The following TEX11 variants were observed in gnomAD, a reference collection of about 807,000 sequenced individuals.
TEX11 encodes testis-expressed protein 11.
A neutral mutation model predicts 84.4 loss-of-function variants in TEX11; 7 were observed. That is an observed-to-expected ratio of 0.08 (90% confidence interval 0.05 to 0.16). The LOEUF (loss-of-function observed/expected upper bound fraction) is 0.16, where lower values mean the gene tolerates loss of function less well. TEX11 is among the 10% of genes least tolerant of loss of function. The pLI, the probability that TEX11 is intolerant of heterozygous loss-of-function variation, is 1.00. For synonymous variants in TEX11, 264 were observed against 222.8 expected, an observed-to-expected ratio of 1.18 and a Z score of -1.64; for missense variants, 551 against 660.5, an observed-to-expected ratio of 0.83 and a Z score of 1.82.
intron 16 of TEX11, among the ~76,000 whole-genome samples, chrX:70,656,298 C>T (rs2089865707): frequency 9.2e-6 from 1 of 109,146 alleles, no homozygotes; most frequent in African/African-American, 3.3e-5. Flanking sequence ...CATGGTGGTG[C>T]ATGCCTGTGG....
rs191466955 is a variant in TEX11, at chrX:70,827,666, G to A, written c.606+5847C>T. ...GACTCCTCTGCCTGTGGAAAGGGAG[G>A]GAAGAGTGGGAAGGGCTTTGTATTG... On this transcript the variant is annotated intron_variant, in intron 8 of 29. Transcript: ENST00000374333. 2.3e-3 allele frequency among the ~76,000 whole-genome samples: 256 copies of A among 111,858 alleles called. 3 individuals carry two copies. The highest frequency in any genetic ancestry group is 7.7e-3 in the African/African-American group (239 of 30,900).
chrX:70,841,111 A>G (rs2147841150), intron 7 of TEX11, among the ~76,000 whole-genome samples: 1 of 111,350 alleles, frequency 9.0e-6, no homozygotes, highest in East Asian at 2.8e-4. Context: ...AATTGAACTC[A>G]GCTTTGCACC....
chrX:70,659,128 T>C (rs1309382358), intron 16 of TEX11, among the ~76,000 whole-genome samples: 1 of 111,540 alleles, frequency 9.0e-6, no homozygotes, highest in Admixed American at 9.5e-5. Flanking sequence ...CATGCGAAAA[T>C]CTTCATGACA....
chrX:70,770,894 C>T (rs893747092), intron 9 of TEX11, among the ~76,000 whole-genome samples: 2 of 110,397 alleles, frequency 1.8e-5, no homozygotes, highest in Admixed American at 9.7e-5. Context: ...AGAGATATTC[C>T]GTCAAGAAAA....
chrX:70,722,256 G>A (rs1022891411), intron 13 of TEX11, among the ~76,000 whole-genome samples: 2 of 111,902 alleles, frequency 1.8e-5, no homozygotes, highest in African/African-American at 3.2e-5. Context: ...TACATGGCTA[G>A]TGTGAAGGAG....
intron 8 of TEX11, among the ~76,000 whole-genome samples, chrX:70,821,010 A>G (rs1419487964): frequency 8.9e-6 from 1 of 112,012 alleles, no homozygotes; most frequent in African/African-American, 3.2e-5. Flanking sequence ...GTGGGATTGC[A>G]TCAAACTAAA....
At chrX:70,634,805 TA>T (rs1238027554) in intron 17 of TEX11, among the ~76,000 whole-genome samples, 3 of 112,003 alleles carry the variant, frequency 2.7e-5, no homozygotes, top group African/African-American at 9.7e-5. Context: ...CCTAAAACTG[TA>T]AAATTTCTTG....
chrX:70,548,727 G>A (rs191754449), intron 28 of TEX11, among the ~76,000 whole-genome samples: 1 of 112,127 alleles, frequency 8.9e-6, no homozygotes, highest in African/African-American at 3.2e-5. Flanking sequence ...GCCCTAGCTA[G>A]AGAGCAATTG....
intron 2 of TEX11, chrX:70,897,615 GGAAGGAAGGA>G (rs1569463106): frequency 2.9e-4 from 12 of 40,684 alleles, no homozygotes; most frequent in South Asian, 1.2e-3. Flanking sequence ...AAAAAAGGAA[GGAAGGAAGGA>G]AGGAAGGAAG....
intron 17 of TEX11, among the ~76,000 whole-genome samples, chrX:70,645,152 A>G (rs1194379245): frequency 9.1e-6 from 1 of 110,443 alleles, no homozygotes; most frequent in Non-Finnish European, 1.9e-5. Context: ...ATAACAAAAA[A>G]TCTTCCATCT....
At chrX:70,520,613 G>T in the TEX11 span, among the ~76,000 whole-genome samples, 1 of 112,538 alleles carries the variant, frequency 8.9e-6, no homozygotes, top group East Asian at 2.8e-4. Context: ...CACTTGAGAA[G>T]GCAGTCTGTC....
rs771506505 is a variant in TEX11 at position 70,571,839 on chromosome X, G to A, written c.2141-17039C>T. Among the ~76,000 whole-genome samples the A allele has an allele frequency of 2.7e-5, 3 of 111,668 alleles. No homozygotes were observed. In the South Asian group the frequency reaches 1.1e-3, roughly 42 times the overall value. ...ATATATATATAATCAGTTAGTGGTGGACTGAAGTTTAAAGCTTGGGAAGTC... is the reference window on the plus strand; with the variant it reads ...ATATATATATAATCAGTTAGTGGTGAACTGAAGTTTAAAGCTTGGGAAGTC... On this transcript the variant is annotated intron_variant, in intron 25 of 29. Transcript: ENST00000374333.
chrX:70,651,047 A>G (rs759105801), intron 17 of TEX11, among the ~76,000 whole-genome samples: 1 of 112,270 alleles, frequency 8.9e-6, no homozygotes, highest in Non-Finnish European at 1.9e-5. Context: ...CAAATAAGTG[A>G]AAACAATCAA....
At chrX:70,534,090 CAAAAAA>C (rs1168310559) in intron 28 of TEX11, among the ~76,000 whole-genome samples, 1 of 21,730 alleles carries the variant, frequency 4.6e-5, no homozygotes, top group Non-Finnish European at 7.2e-5. Flanking sequence ...GACTCCATCT[CAAAAAA>C]AAAAAAAAAA....
At chrX:70,766,543 C>T (rs983936804) in intron 9 of TEX11, among the ~76,000 whole-genome samples, 4 of 111,121 alleles carry the variant, frequency 3.6e-5, no homozygotes, top group Non-Finnish European at 5.7e-5. Flanking sequence ...TTAACATGTC[C>T]ATACTACCCA....
chrX:70,634,971 A>C (rs1458607579), intron 17 of TEX11, among the ~76,000 whole-genome samples: 5 of 112,069 alleles, frequency 4.5e-5, no homozygotes, highest in Non-Finnish European at 9.4e-5. Flanking sequence ...AAAAAGAAAA[A>C]ATTTGCAAAA....
intron 25 of TEX11, among the ~76,000 whole-genome samples, chrX:70,568,089 C>T (rs1321854903): frequency 9.0e-6 from 1 of 111,533 alleles, no homozygotes; most frequent in African/African-American, 3.3e-5. Context: ...CAGAGTGCTC[C>T]TGTATTGGGT....
chrX:70,641,968 A>T (rs923328845), intron 17 of TEX11, among the ~76,000 whole-genome samples: 1 of 111,123 alleles, frequency 9.0e-6, no homozygotes, highest in African/African-American at 3.3e-5. Context: ...CAAAATATTA[A>T]TGAATCCAGG....
At chrX:70,523,956 T>C (rs2087801307), downstream of TEX11, among the ~76,000 whole-genome samples, 1 of 110,451 alleles carries the variant, frequency 9.1e-6, no homozygotes, top group Non-Finnish European at 1.9e-5. Context: ...TAAGACAGAG[T>C]AAGCTCATTT....
Sources: gnomAD v4.1 joint callset for allele counts (sites outside exome capture counted in the v4.1 genomes callset) on GRCh38, gnomAD v4.1.1 for gene constraint, MANE v1.5 for transcripts, NCBI Gene and HGNC (gene_info 2026-07-23, HGNC 2026-07-21) for gene names.